The following ERBB4 variants were observed in gnomAD, a reference collection of about 807,000 sequenced individuals.
ERBB4 encodes the protein receptor tyrosine-protein kinase erbB-4.
Under a neutral mutation model 158.0 loss-of-function variants are expected in ERBB4, and 42 were observed. The observed-to-expected ratio is 0.27, with a 90% CI of 0.21 to 0.34. ERBB4 has a LOEUF of 0.34. Ranked by LOEUF, ERBB4 falls within the 10% of genes least tolerant of loss-of-function variation. The probability of loss-of-function intolerance (pLI) is 1.00; values close to 1 mark genes in which losing one functional copy is unlikely to be tolerated. For synonymous variants in ERBB4, 583 were observed against 558.7 expected, an observed-to-expected ratio of 1.04 and a Z score of -0.61; for missense variants, 1,333 against 1,624.1, an observed-to-expected ratio of 0.82 and a Z score of 3.08.
chr2:211,937,100 AAT>A (rs1431269750), intron 3 of ERBB4, among the ~76,000 whole-genome samples: 2 of 152,170 alleles, frequency 1.3e-5, no homozygotes, highest in Admixed American at 6.5e-5. Context: ...TTTTGGATCT[AAT>A]ATCTTTAAAA....
In ERBB4 at chr2:211,420,720, TAC is replaced by T. The variant is rs2063496522; in HGVS notation, c.2965-111_2965-110del. On this transcript the variant is annotated intron_variant, in intron 24 of 27. Transcript: ENST00000342788. ...TCATAACAAATGGTTGAAAAATTCA[TAC>T]ACACATTTTAAAAAAACAAGTCTTT... 3 of 976,712 alleles carry T rather than the reference TAC, an allele frequency of 3.1e-6. No homozygotes were observed. In the Admixed American group the frequency reaches 5.9e-5, roughly 19 times the overall value. The allele number at this position is 976,712 out of a possible 1,614,324, so 60.5% of individuals were successfully genotyped here.
intron 4 of ERBB4, among the ~76,000 whole-genome samples, chr2:211,766,677 T>C (rs2075555963): frequency 6.6e-6 from 1 of 152,182 alleles, no homozygotes; most frequent in Non-Finnish European, 1.5e-5. Context: ...CTGTGAATGA[T>C]GGTTGTGAGG....
intron 2 of ERBB4, among the ~76,000 whole-genome samples, chr2:212,064,470 A>G (rs1052165085): frequency 6.6e-6 from 1 of 152,084 alleles, no homozygotes; most frequent in Admixed American, 6.6e-5. Flanking sequence ...TTAGAGATTA[A>G]AAACAGCCCA....
chr2:212,451,212 T>C (rs1323243906), intron 1 of ERBB4, among the ~76,000 whole-genome samples: 1 of 152,204 alleles, frequency 6.6e-6, no homozygotes, highest in Non-Finnish European at 1.5e-5. Flanking sequence ...AAAGACTTGG[T>C]ATATGAATAA....
intron 3 of ERBB4, among the ~76,000 whole-genome samples, chr2:211,855,595 C>T (rs2077836351): frequency 6.6e-6 from 1 of 152,140 alleles, no homozygotes; most frequent in Non-Finnish European, 1.5e-5. Context: ...CCACTTTTCT[C>T]CTCCAATACC....
chr2:211,676,153 A>G (rs1317724668), intron 13 of ERBB4, among the ~76,000 whole-genome samples: 2 of 152,176 alleles, frequency 1.3e-5, no homozygotes, highest in Non-Finnish European at 2.9e-5. Flanking sequence ...TATCATAACC[A>G]TCAGCCAATG....
intron 1 of ERBB4, among the ~76,000 whole-genome samples, chr2:212,350,458 A>G (rs1278670646): frequency 6.6e-5 from 10 of 152,164 alleles, no homozygotes; most frequent in Non-Finnish European, 1.3e-4. Flanking sequence ...ACTAACATGG[A>G]AAGATATAGC....
chr2:212,110,661 C>T (rs565090387), intron 2 of ERBB4, among the ~76,000 whole-genome samples: 2 of 152,202 alleles, frequency 1.3e-5, no homozygotes, highest in East Asian at 1.9e-4. Context: ...ATTTTATCAC[C>T]GGACTGCTTT....
chr2:211,733,308 G>T (rs1293578366), intron 5 of ERBB4, among the ~76,000 whole-genome samples: 1 of 152,056 alleles, frequency 6.6e-6, no homozygotes, highest in African/African-American at 2.4e-5. Context: ...TGTGAGTGAA[G>T]ATTCAAAAAA....
At chr2:212,521,840 G>A (rs1455828971) in intron 1 of ERBB4, among the ~76,000 whole-genome samples, 7 of 151,724 alleles carry the variant, frequency 4.6e-5, no homozygotes, top group Admixed American at 1.3e-4. Context: ...GTTTTACTTC[G>A]CATGATCAAT....
intron 20 of ERBB4, among the ~76,000 whole-genome samples, chr2:211,449,056 G>A (rs1367214347): frequency 6.6e-6 from 1 of 151,956 alleles, no homozygotes; most frequent in African/African-American, 2.4e-5. Flanking sequence ...AATTATTTAT[G>A]TCTAGATATT....
intron 2 of ERBB4, among the ~76,000 whole-genome samples, chr2:212,048,898 A>G (rs1432547725): frequency 6.6e-6 from 1 of 152,198 alleles, no homozygotes; most frequent in East Asian, 1.9e-4. Context: ...AAGGAGAGGA[A>G]GTCCTACAAC....
intron 4 of ERBB4, among the ~76,000 whole-genome samples, chr2:211,772,323 T>A (rs943309309): frequency 4.6e-5 from 7 of 152,142 alleles, no homozygotes; most frequent in African/African-American, 7.2e-5. Context: ...ACTGAAGAAA[T>A]CATGCTTTTG....
rs111347971 is a variant in ERBB4, at chr2:212,336,083, G to C, written c.82+202366C>G. Among the ~76,000 whole-genome samples, 9 of 151,998 alleles carry C rather than the reference G, an allele frequency of 5.9e-5. 1 individual carries two copies. Among genetic ancestry groups the C allele is most frequent in the African/African-American group, 2.2e-4 (9 of 41,488 alleles). ...TAAGCAAGCACTGGGGGAACTGGGG[G>C]ATACATGGCGGAGGGTCGTATTAAT... On this transcript the variant is annotated intron_variant, in intron 1 of 27. Coordinates refer to ENST00000342788, the MANE Select transcript of ERBB4 (RefSeq NM_005235.3).
intron 13 of ERBB4, among the ~76,000 whole-genome samples, chr2:211,678,597 G>A (rs1312309804): frequency 6.6e-6 from 1 of 152,108 alleles, no homozygotes; most frequent in Non-Finnish European, 1.5e-5. Flanking sequence ...ATTCGTCTAT[G>A]TGTTGTCTCC....
intron 2 of ERBB4, among the ~76,000 whole-genome samples, chr2:212,054,994 G>T (rs1350322473): frequency 6.6e-6 from 1 of 152,128 alleles, no homozygotes; most frequent in African/African-American, 2.4e-5. Context: ...AGCCAAAGTA[G>T]GGTGAGGTAT....
At chr2:211,673,412 G>C (rs921184055) in intron 13 of ERBB4, among the ~76,000 whole-genome samples, 155 bp from the exon 14 acceptor site, 1 of 151,046 alleles carries the variant, frequency 6.6e-6, no homozygotes, top group African/African-American at 2.4e-5. Context: ...TTTCCATTAG[G>C]AGAAAAGATA....
chr2:211,473,717 C>A (rs552656350), intron 20 of ERBB4, among the ~76,000 whole-genome samples: 8 of 152,110 alleles, frequency 5.3e-5, no homozygotes, highest in Non-Finnish European at 1.0e-4. Flanking sequence ...GTTAAGCTCC[C>A]TGGGAGCCAG....
At chr2:212,145,370 T>C (rs1232060846) in intron 1 of ERBB4, among the ~76,000 whole-genome samples, 1 of 152,118 alleles carries the variant, frequency 6.6e-6, no homozygotes, top group Non-Finnish European at 1.5e-5. Context: ...TATTCCCCAA[T>C]GACTAGTATT....
Sources: gnomAD v4.1 joint callset for allele counts (sites outside exome capture counted in the v4.1 genomes callset) on GRCh38, gnomAD v4.1.1 for gene constraint, MANE v1.5 for transcripts, NCBI Gene and HGNC (gene_info 2026-07-23, HGNC 2026-07-21) for gene names.